The following RAI2 variants were observed in gnomAD, a reference collection of about 807,000 sequenced individuals.
The protein encoded by RAI2 is retinoic acid-induced protein 2.
In RAI2, 5 loss-of-function variants were observed where a neutral mutation model predicts 15.3. The ratio of observed to expected loss-of-function variants is 0.33; its 90% CI spans 0.17 to 0.69. RAI2 has a LOEUF of 0.69. Ranked by LOEUF, RAI2 falls within the 30% of genes least tolerant of loss-of-function variation. The pLI, the probability that RAI2 is intolerant of heterozygous loss-of-function variation, is 0.69. For missense variants in RAI2, 424 were observed against 424.7 expected, an observed-to-expected ratio of 1.00 and a Z score of 0.01; for synonymous variants, 191 against 184.0, an observed-to-expected ratio of 1.04 and a Z score of -0.31.
chrX:17,807,417 T>C (rs2147215556), intron 1 of RAI2, among the ~76,000 whole-genome samples: 1 of 112,187 alleles, frequency 8.9e-6, no homozygotes, highest in East Asian at 2.8e-4. Flanking sequence ...AATGAACGCC[T>C]AAGCCTTCCT....
rs749359638 is a variant in RAI2, at chrX:17,814,718, G to A, written c.-24-12684C>T. On this transcript the variant is annotated intron_variant, in intron 1 of 1. Transcript: ENST00000451717. ...ATGACTATCTTTCCAAAAGCAAAAC[G>A]TTCAAGAGATGGTCAGCATAGCTAA... 3.0e-4 allele frequency among the ~76,000 whole-genome samples: 33 copies of A among 110,387 alleles called. No homozygotes were observed. The South Asian group carries it at 4.0e-3, about 13-fold the overall frequency.
At chrX:17,846,023 C>T (rs1430196526) in intron 1 of RAI2, among the ~76,000 whole-genome samples, 1 of 111,627 alleles carries the variant, frequency 9.0e-6, no homozygotes, top group African/African-American at 3.3e-5. Context: ...TCCAGGAAGA[C>T]AGGGTAAGGA....
intron 1 of RAI2, among the ~76,000 whole-genome samples, chrX:17,849,856 A>C (rs904977660): frequency 8.9e-6 from 1 of 112,701 alleles, no homozygotes; most frequent in Non-Finnish European, 1.9e-5. Flanking sequence ...TGAAACCAGA[A>C]AGCCTCATTT....
chrX:17,841,133 A>G, intron 1 of RAI2, among the ~76,000 whole-genome samples: 1 of 111,045 alleles, frequency 9.0e-6, no homozygotes. Flanking sequence ...AAGAACTCTA[A>G]GAAGACATCT....
At chrX:17,818,227 A>G (rs1207636355) in intron 1 of RAI2, among the ~76,000 whole-genome samples, 1 of 112,532 alleles carries the variant, frequency 8.9e-6, no homozygotes, top group Non-Finnish European at 1.9e-5. Context: ...CAAGGTTGAT[A>G]AAATTCTCCC....
chrX:17,848,709 G>C, intron 1 of RAI2, among the ~76,000 whole-genome samples: 1 of 111,716 alleles, frequency 9.0e-6, no homozygotes, highest in Non-Finnish European at 1.9e-5. Flanking sequence ...TAAGTGTAGG[G>C]GCATGGAGGG....
chrX:17,830,111 T>C (rs1280776172), intron 1 of RAI2, among the ~76,000 whole-genome samples: 1 of 112,434 alleles, frequency 8.9e-6, no homozygotes, highest in African/African-American at 3.2e-5. Flanking sequence ...AAGAGTTATA[T>C]GGTGTAATAG....
chrX:17,826,138 G>A (rs2067224227), intron 1 of RAI2, among the ~76,000 whole-genome samples: 1 of 112,659 alleles, frequency 8.9e-6, no homozygotes, highest in Non-Finnish European at 1.9e-5. Context: ...TTCCAAGAAG[G>A]TACCAAACTC....
intron 1 of RAI2, among the ~76,000 whole-genome samples, chrX:17,822,372 T>C (rs1156262773): frequency 5.4e-5 from 6 of 111,891 alleles, no homozygotes; most frequent in Non-Finnish European, 1.1e-4. Flanking sequence ...TTTGAGTAAG[T>C]CTGACCTGCA....
At position 17,802,030 on chromosome X, in the gene RAI2, T is replaced by G. The variant is rs965169806; in HGVS notation, c.-20A>C. 4.8e-5 allele frequency: 57 copies of G among 1,177,213 alleles called. No individual in the cohort carries two copies. The highest frequency in any genetic ancestry group is 6.4e-5 in the Non-Finnish European group (56 of 875,089). On this transcript the variant is annotated 5_prime_UTR_variant, in exon 2 of 2. Coordinates refer to ENST00000451717, the MANE Select transcript of RAI2 (RefSeq NM_021785.6). ...GTCCATCACTCAGCTCTGATGCCAC[T>G]TGGCCTGCAACACAGAACATACAAT...
Position 17,805,429 on chromosome X carries a change from T to C in RAI2, c.-24-3395A>G, listed in dbSNP as rs1322060351. ...GACTGCAGCCCGAAGTGGCTATGGT[T>C]CTGTTACTGGAGGGCTTGAGGGGCC... On this transcript the variant is annotated intron_variant, in intron 1 of 1. Coordinates refer to ENST00000451717, the MANE Select transcript of RAI2 (RefSeq NM_021785.6). Among the ~76,000 whole-genome samples, 13 of 112,796 alleles carry C rather than the reference T, an allele frequency of 1.2e-4. No homozygotes were observed. The Admixed American group carries it at 1.2e-3, about 10-fold the overall frequency.
rs772269828 is a variant in RAI2 at position 17,851,504 on chromosome X, A to G, written c.-25+9594T>C. ...TTCAAAGCTTTGATGTGCATAGTCG[A>G]AAGAGTATCCCTATTCTGTGCTTTC... On this transcript the variant is annotated intron_variant, in intron 1 of 1. Transcript: ENST00000451717. Among the ~76,000 whole-genome samples, 4 of 112,412 alleles carry G rather than the reference A, an allele frequency of 3.6e-5. No homozygotes were observed. The South Asian group carries it at 1.5e-3, about 42-fold the overall frequency.
chrX:17,807,658 G>A (rs1236341398), intron 1 of RAI2, among the ~76,000 whole-genome samples: 2 of 111,964 alleles, frequency 1.8e-5, no homozygotes, highest in Admixed American at 1.9e-4. Context: ...AGACCCGCAG[G>A]TGCCATGGTG....
At chrX:17,851,382 G>A (rs754013627) in intron 1 of RAI2, among the ~76,000 whole-genome samples, 2 of 112,340 alleles carry the variant, frequency 1.8e-5, no homozygotes, top group Non-Finnish European at 3.8e-5. Context: ...ATGTTGGAAA[G>A]GAAACGGTAA....
chrX:17,851,088 A>G (rs2067527363), intron 1 of RAI2, among the ~76,000 whole-genome samples: 1 of 111,899 alleles, frequency 8.9e-6, no homozygotes, highest in Non-Finnish European at 1.9e-5. Flanking sequence ...AGCCCTGATG[A>G]CCTCAAATCC....
chrX:17,800,849 G>A lies in RAI2; in HGVS notation c.1162C>T (p.Pro388Ser). 8.3e-7 allele frequency: 1 copy of A among 1,211,546 alleles called. No homozygotes were observed. The highest frequency in any genetic ancestry group is 1.1e-6 in the Non-Finnish European group (1 of 895,456). ...LPSGMEISFA[P>S]ATSHEAPAMM... Reference sequence around the variant, plus strand: ...GCTGGGGCCTCATGGGACGTGGCAGGGGCAAAAGAAATTTCCATGCCACTG... The same window carrying A: ...GCTGGGGCCTCATGGGACGTGGCAGAGGCAAAAGAAATTTCCATGCCACTG... Residue 388 changes from proline to serine, a missense_variant, in exon 2 of 2, where the codon CCT becomes TCT. Pro to Ser is a moderately conservative substitution (Grantham distance 74, BLOSUM62 -1). Transcript: ENST00000451717.
intron 1 of RAI2, among the ~76,000 whole-genome samples, chrX:17,852,681 G>C (rs2067550382): frequency 8.9e-6 from 1 of 112,203 alleles, no homozygotes; most frequent in South Asian, 3.8e-4. Flanking sequence ...GAAAGAATAT[G>C]GCTGAGGGCT....
chrX:17,815,535 T>G (rs753382020), intron 1 of RAI2, among the ~76,000 whole-genome samples: 1 of 111,115 alleles, frequency 9.0e-6, no homozygotes, highest in South Asian at 3.8e-4. Flanking sequence ...CCTTGCCACA[T>G]GAGTAGGATT....
In RAI2 at chrX:17,844,271, G is replaced by A. The variant is rs146614448; in HGVS notation, c.-25+16827C>T. 7.8e-3 allele frequency among the ~76,000 whole-genome samples: 880 copies of A among 112,766 alleles called. 2 individuals are homozygous for A. The highest frequency in any genetic ancestry group is 0.012 in the Non-Finnish European group (665 of 53,304). On this transcript the variant is annotated intron_variant, in intron 1 of 1. Coordinates refer to ENST00000451717, the MANE Select transcript of RAI2 (RefSeq NM_021785.6). Reference sequence around the variant, plus strand: ...TTGGAAGTTGGAGAAAAATGTCCTCGTTGGATATGCTATTGCTGTTTTAGT... The same window carrying A: ...TTGGAAGTTGGAGAAAAATGTCCTCATTGGATATGCTATTGCTGTTTTAGT...
Sources: gnomAD v4.1 joint callset for allele counts (sites outside exome capture counted in the v4.1 genomes callset) on GRCh38, gnomAD v4.1.1 for gene constraint, MANE v1.5 for transcripts, NCBI Gene and HGNC (gene_info 2026-07-23, HGNC 2026-07-21) for gene names.